Variants in S100A7 observed in about 807,000 individuals in gnomAD.
S100A7 encodes the protein S100 calcium binding protein A7.
S100A7 carries 2 observed loss-of-function variants against 3.8 expected under a neutral mutation model. That is an observed-to-expected ratio of 0.53 (90% CI 0.22 to 1.67). S100A7 has a LOEUF of 1.67. Among genes scored for constraint, S100A7 ranks in the 40% most tolerant of loss-of-function variants. The probability of loss-of-function intolerance (pLI) is 0.20; values close to 1 mark genes in which losing one functional copy is unlikely to be tolerated. For synonymous variants in S100A7, 55 were observed against 45.9 expected (o/e 1.20, Z -0.80); for missense variants, 130 against 126.3 (o/e 1.03, Z -0.14).
chr1:153,459,154 AT>A (rs945261678), intron 1 of S100A7, 124 bp from the exon 2 acceptor site: 916 of 1,152,214 alleles, frequency 7.9e-4, no homozygotes, highest in Non-Finnish European at 9.0e-4. Context: ...AACGAACTCA[AT>A]TTTTTTTTAA....
rs1340102363 is a variant in S100A7, at chr1:153,457,765, A to ATTG, written c.*38_*40dup. On this transcript the variant is annotated 3_prime_UTR_variant, in exon 3 of 3. Coordinates refer to ENST00000368723, the MANE Select transcript of S100A7 (RefSeq NM_002963.4). ...AGTGTCTGGTGGGAGAAGACATTTT[A>ATTG]TTGTTCCTGGGGTCTCTGGAGGCCC... 6.3e-7 allele frequency: 1 copy of ATTG among 1,581,714 alleles called. No individual in the cohort carries two copies. Among genetic ancestry groups the ATTG allele is most frequent in the Non-Finnish European group, 8.6e-7 (1 of 1,163,876 alleles).
Position 153,458,930 on chromosome 1 carries a change from C to G in S100A7, c.84G>C (p.Glu28Asp), listed in dbSNP as rs3014837. 0.95 allele frequency: 1,537,388 copies of G among 1,613,000 alleles called. 732,899 individuals are homozygous for G. Among genetic ancestry groups the G allele is most frequent in the East Asian group, 1 (44,863 of 44,874 alleles). The change falls in exon 2 of 3, where the codon GAG becomes GAC. Residue 28 changes from glutamate (E) to aspartate (D), a missense_variant. Physicochemically the swap from Glu to Asp is conservative, Grantham distance 45. Coordinates refer to ENST00000368723, the MANE Select transcript of S100A7 (RefSeq NM_002963.4). ...TCATCATCGTCAGCAGGCTTGGCTTCTCAATCTTGTCATCACGTCTGGTGT... is the reference window on the plus strand; with the variant it reads ...TCATCATCGTCAGCAGGCTTGGCTTGTCAATCTTGTCATCACGTCTGGTGT... ...HKYTRRDDKI[E>D]KPSLLTMMKE... is the part of the protein sequence containing the mutation.
chr1:153,459,147 G>A (rs567853469), intron 1 of S100A7, 117 bp from the exon 2 acceptor site: 129 of 1,294,828 alleles, frequency 1.0e-4, no homozygotes, highest in Middle Eastern at 7.7e-4. Context: ...GTAGCAGAAC[G>A]AACTCAATTT....
chr1:153,460,612 G>A lies in S100A7; in HGVS notation c.-22C>T, dbSNP rs1361075573. ...AAAGAGGCAGGTGAGACTTACCAGA[G>A]CTGGGAAGCGTCACGAGTAGAAGGA... On this transcript the variant is annotated 5_prime_UTR_variant, in exon 1 of 3. Transcript: ENST00000368723. 2.0e-5 allele frequency: 23 copies of A among 1,170,086 alleles called. No homozygotes were observed. The Admixed American group carries it at 3.0e-4, about 15-fold the overall frequency. 72.5% of individuals were successfully genotyped at this position (1,170,086 alleles called of 1,614,324 possible).
At chr1:153,459,754 T>C (rs1663782347) in intron 1 of S100A7, 1 of 152,216 alleles carries the variant, frequency 6.6e-6, no homozygotes, top group Non-Finnish European at 1.5e-5. Flanking sequence ...TCATGTCTGC[T>C]CTTGGGAATT....
chr1:153,460,406 G>A (rs1234467070), intron 1 of S100A7, among the ~76,000 whole-genome samples: 2 of 152,230 alleles, frequency 1.3e-5, no homozygotes, highest in Non-Finnish European at 1.5e-5. Context: ...AAGGAGCAAT[G>A]GACAGGTCTG....
intron 1 of S100A7, among the ~76,000 whole-genome samples, chr1:153,460,337 G>T (rs575250950): frequency 4.6e-5 from 7 of 152,306 alleles, no homozygotes; most frequent in African/African-American, 1.7e-4. Context: ...GGACAGGGAG[G>T]GTCCTGTGCT....
chr1:153,457,825 C>T lies in S100A7; in HGVS notation c.287G>A (p.Cys96Tyr). 6.2e-7 allele frequency: 1 copy of T among 1,614,166 alleles called. No individual in the cohort carries two copies. Among genetic ancestry groups the T allele is most frequent in the Non-Finnish European group, 8.5e-7 (1 of 1,180,022 alleles). Reference protein sequence around the residue: ...YHKQSHGAAPCSGGSQ With the variant: ...YHKQSHGAAPYSGGSQ ...GCTGGGTCACTGGCTGCCCCCGGAA[C>T]AGGGCGCTGCTCCATGGCTCTGCTT... is the stretch of plus-strand genomic sequence containing the variant. Residue 96 changes from cysteine (C) to tyrosine (Y), a missense_variant, in exon 3 of 3, where the codon TGT becomes TAT. Physicochemically the swap from Cys to Tyr is radical, Grantham distance 194. Transcript: ENST00000368723.
At chr1:153,459,063 T>A in intron 1 of S100A7, 33 bp from the exon 2 acceptor site, 16 of 1,601,612 alleles carry the variant, frequency 1.0e-5, no homozygotes, top group Non-Finnish European at 1.3e-5. Context: ...TTTTTTTCCC[T>A]TCATTTAAGT....
At chr1:153,460,272 G>A (rs1485876497) in intron 1 of S100A7, among the ~76,000 whole-genome samples, 2 of 152,194 alleles carry the variant, frequency 1.3e-5, no homozygotes, top group Non-Finnish European at 2.9e-5. Flanking sequence ...GCTGGAGCTG[G>A]GGAGGGGATT....
At chr1:153,459,546 C>T (rs182958270) in intron 1 of S100A7, among the ~76,000 whole-genome samples, 105 of 152,260 alleles carry the variant, frequency 6.9e-4, no homozygotes, top group Non-Finnish European at 1.1e-3. Flanking sequence ...CTGCATGACA[C>T]GGTGTGTGCA....
chr1:153,460,608 C>A lies in S100A7; in HGVS notation c.-18G>T. 1 of 1,163,786 alleles carries A rather than the reference C, an allele frequency of 8.6e-7. No individual in the cohort carries two copies. Among genetic ancestry groups the A allele is most frequent in the Non-Finnish European group, 1.3e-6 (1 of 797,278 alleles). The allele number at this position is 1,163,786 out of a possible 1,614,324, so 72.1% of individuals were successfully genotyped here. A position where few individuals can be genotyped will look rare whatever the true frequency, so the allele number is the denominator to read the frequency against. On this transcript the variant is annotated splice_region_variant and 5_prime_UTR_variant, in exon 1 of 3. Coordinates refer to ENST00000368723, the MANE Select transcript of S100A7 (RefSeq NM_002963.4). ...ACGCAAAGAGGCAGGTGAGACTTAC[C>A]AGAGCTGGGAAGCGTCACGAGTAGA...
At chr1:153,460,277 G>C (rs1187787169) in intron 1 of S100A7, among the ~76,000 whole-genome samples, 1 of 152,192 alleles carries the variant, frequency 6.6e-6, no homozygotes, top group African/African-American at 2.4e-5. Flanking sequence ...AGCTGGGGAG[G>C]GGATTTAGCA....
At position 153,457,843 on chromosome 1, in the gene S100A7, C is replaced by A. The variant is rs758706573; in HGVS notation, c.269G>T (p.Ser90Ile). 3 of 1,614,152 alleles carry A rather than the reference C, an allele frequency of 1.9e-6. No individual in the cohort carries two copies. Among genetic ancestry groups the A allele is most frequent in the Non-Finnish European group, 2.5e-6 (3 of 1,180,042 alleles). Reference protein sequence around the residue: ...GDIATDYHKQSHGAAPCSGGS... With the variant: ...GDIATDYHKQIHGAAPCSGGS... ...CCCGGAACAGGGCGCTGCTCCATGG[C>A]TCTGCTTGTGGTAGTCTGTGGCTAT... is the stretch of plus-strand genomic sequence containing the variant. Residue 90 changes from serine (S) to isoleucine (I), a missense_variant, in exon 3 of 3, where the codon AGC becomes ATC. Transcript: ENST00000368723.
chr1:153,458,927 C>T lies in S100A7; in HGVS notation c.87G>A (p.Lys29=). Residue 29 remains lysine, a synonymous_variant, in exon 2 of 3, where the codon AAG becomes AAA. Transcript: ENST00000368723. ...KYTRRDDKIE[K]PSLLTMMKEN... Reference sequence around the variant, plus strand: ...CCTTCATCATCGTCAGCAGGCTTGGCTTCTCAATCTTGTCATCACGTCTGG... The same window carrying T: ...CCTTCATCATCGTCAGCAGGCTTGGTTTCTCAATCTTGTCATCACGTCTGG... 6.2e-7 allele frequency: 1 copy of T among 1,614,004 alleles called. No homozygotes were observed. Among genetic ancestry groups the T allele is most frequent in the Non-Finnish European group, 8.5e-7 (1 of 1,179,910 alleles).
chr1:153,459,032 T>C lies in S100A7; in HGVS notation c.-17-2A>G, dbSNP rs747250699. 6.2e-7 allele frequency: 1 copy of C among 1,610,408 alleles called. No individual in the cohort carries two copies. The stretch of plus-strand genomic sequence containing the variant: ...TGCTCATCTTTGCTTTCAAAAAGCC[T>C]TCAGGAAATAAAGACAATCATTTTT... On this transcript the variant is annotated splice_acceptor_variant, in intron 1 of 2. Transcript: ENST00000368723. LOFTEE classifies it low-confidence loss of function (5UTR_SPLICE).
intron 2 of S100A7, among the ~76,000 whole-genome samples, chr1:153,458,331 T>C (rs988191291): frequency 6.6e-6 from 1 of 152,156 alleles, no homozygotes; most frequent in Non-Finnish European, 1.5e-5. Context: ...TTGGCCCTCA[T>C]GCTTTTGTTC....
In S100A7 at chr1:153,457,804, G is replaced by T; in HGVS notation, c.*2C>A. 6.2e-7 allele frequency: 1 copy of T among 1,613,988 alleles called. No individual in the cohort carries two copies. The highest frequency in any genetic ancestry group is 8.5e-7 in the Non-Finnish European group (1 of 1,179,928). ...CTCTGGAGGCCCATTGGTGGGGCTGGGTCACTGGCTGCCCCCGGAACAGGG... is the reference window on the plus strand; with the variant it reads ...CTCTGGAGGCCCATTGGTGGGGCTGTGTCACTGGCTGCCCCCGGAACAGGG... On this transcript the variant is annotated 3_prime_UTR_variant, in exon 3 of 3. Coordinates refer to ENST00000368723, the MANE Select transcript of S100A7 (RefSeq NM_002963.4).
intron 2 of S100A7, 140 bp downstream of exon 2, chr1:153,458,733 T>A: frequency 9.9e-7 from 1 of 1,013,428 alleles, no homozygotes; most frequent in South Asian, 1.6e-5. Context: ...TTGCCTACCA[T>A]CCTTAGATTC....
Sources: gnomAD v4.1 joint callset for allele counts (sites outside exome capture counted in the v4.1 genomes callset) on GRCh38, gnomAD v4.1.1 for gene constraint, MANE v1.5 for transcripts, NCBI Gene and HGNC (gene_info 2026-07-23, HGNC 2026-07-21) for gene names.